ZMYND11: variants seen among roughly 807,000 people sequenced by gnomAD.
The protein encoded by ZMYND11 is zinc finger MYND-type containing 11.
A neutral mutation model predicts 84.9 loss-of-function variants in ZMYND11; 9 were observed. The ratio of observed to expected loss-of-function variants is 0.11; its 90% CI spans 0.06 to 0.18. The LOEUF is 0.18. Ranked by LOEUF, ZMYND11 falls within the 10% of genes least tolerant of loss-of-function variation. ZMYND11 has a pLI of 1.00. For synonymous variants in ZMYND11, 250 were observed against 244.1 expected (o/e 1.02, Z -0.23); for missense variants, 409 against 761.0 (o/e 0.54, Z 5.44).
At chr10:212,464 T>C (rs985558637) in intron 3 of ZMYND11, among the ~76,000 whole-genome samples, 4 of 151,688 alleles carry the variant, frequency 2.6e-5, no homozygotes, top group Admixed American at 2.0e-4. Context: ...GTATAAAATA[T>C]GTAAATATTT....
intron 2 of ZMYND11, chr10:198,006 GT>G: frequency 3.3e-6 from 2 of 606,988 alleles, no homozygotes; most frequent in Non-Finnish European, 5.9e-6. Flanking sequence ...TTATAAACTG[GT>G]AAGTAAGTTT....
chr10:158,675 C>T (rs1389091847), intron 1 of ZMYND11, among the ~76,000 whole-genome samples: 1 of 151,316 alleles, frequency 6.6e-6, no homozygotes, highest in African/African-American at 2.4e-5. Flanking sequence ...CCTTCTTCGG[C>T]CTCCTAAAGT....
At chr10:212,350 T>C (rs1321396340) in intron 3 of ZMYND11, among the ~76,000 whole-genome samples, 1 of 152,116 alleles carries the variant, frequency 6.6e-6, no homozygotes, top group Middle Eastern at 3.2e-3. Context: ...ACCAAACATA[T>C]AGTATACAGG....
chr10:186,007 CT>C lies in ZMYND11; in HGVS notation c.116+5894del, dbSNP rs1302174625. Among the ~76,000 whole-genome samples, 826 of 142,152 alleles carry C rather than the reference CT, an allele frequency of 5.8e-3. 4 individuals are homozygous for C. Among genetic ancestry groups the C allele is most frequent in the African/African-American group, 0.018 (671 of 38,322 alleles). The allele number at this position is 142,152 out of a possible 152,430, so 93.3% of individuals were successfully genotyped here. ...CAGTATCATCTTCAAACACAGGATT[CT>C]TTTTTTTTTTTTTTCTTTTGAGACG... On this transcript the variant is annotated intron_variant, in intron 2 of 14. Coordinates refer to ENST00000381604, the MANE Select transcript of ZMYND11 (RefSeq NM_001370100.5).
chr10:165,322 C>T (rs1298165991), intron 1 of ZMYND11, among the ~76,000 whole-genome samples: 1 of 152,098 alleles, frequency 6.6e-6, no homozygotes, highest in Non-Finnish European at 1.5e-5. Context: ...CCTAGATTTG[C>T]TCCTAGTTCT....
rs777109374 is a variant in ZMYND11 at position 248,947 on chromosome 10, A to G, written c.1545A>G (p.Lys515=). Residue 515 remains lysine (K), a synonymous_variant, in exon 14 of 15, where the codon AAA becomes AAG. Transcript: ENST00000381604. Reference sequence around the variant, plus strand: ...AAGAAAAGAGACAAGCTGTAAATAAAGCTGTAGCCAACATGCAGGGTGAGA... The same window carrying G: ...AAGAAAAGAGACAAGCTGTAAATAAGGCTGTAGCCAACATGCAGGGTGAGA... ...MEEEKRQAVN[K]AVANMQGEMD... The G allele has an allele frequency of 1.9e-6, 3 of 1,614,150 alleles. No individual in the cohort carries two copies. Among genetic ancestry groups the G allele is most frequent in the Middle Eastern group, 1.6e-4 (1 of 6,062 alleles).
At chr10:158,512 G>T (rs1554760224) in intron 1 of ZMYND11, among the ~76,000 whole-genome samples, 1 of 150,938 alleles carries the variant, frequency 6.6e-6, no homozygotes, top group African/African-American at 2.4e-5. Context: ...TTTGCTTCTG[G>T]GCTCAAGTGA....
chr10:136,208 G>A (rs970053552), intron 1 of ZMYND11, among the ~76,000 whole-genome samples: 4 of 152,172 alleles, frequency 2.6e-5, no homozygotes, highest in Admixed American at 2.6e-4. Context: ...CAGAGCTCCG[G>A]GGAGAAGCTG....
intron 1 of ZMYND11, among the ~76,000 whole-genome samples, chr10:145,255 T>C (rs1363027086): frequency 1.3e-5 from 2 of 151,328 alleles, no homozygotes; most frequent in Non-Finnish European, 2.9e-5. Context: ...TGTATATATA[T>C]ATATGTATAT....
chr10:214,730 C>T (rs937336743), intron 3 of ZMYND11, among the ~76,000 whole-genome samples: 10 of 152,136 alleles, frequency 6.6e-5, no homozygotes, highest in African/African-American at 2.2e-4. Flanking sequence ...TATGTTGCTT[C>T]ATCTGCTTGC....
chr10:237,524 A>G (rs1216188709), intron 5 of ZMYND11, 61 bp from the exon 6 acceptor site: 7 of 1,014,086 alleles, frequency 6.9e-6, no homozygotes, highest in Admixed American at 2.4e-5. Context: ...AGCTTTAGGA[A>G]TTGATGTCTT....
At position 253,891 on chromosome 10, in the gene ZMYND11, GTAAC is replaced by G. The variant is rs1484693671; in HGVS notation, c.*1425_*1428del. 2.0e-5 allele frequency: 3 copies of G among 152,616 alleles called. No homozygotes were observed. Among genetic ancestry groups the G allele is most frequent in the Admixed American group, 6.5e-5 (1 of 15,282 alleles). The allele number at this position is 152,616 out of a possible 1,614,324, so 9.5% of individuals were successfully genotyped here. A position where few individuals can be genotyped will look rare whatever the true frequency, so the allele number is the denominator to read the frequency against. ...TCAGGGTCACTCTAAAGATAAAAAT[GTAAC>G]TAAGTCTTCTGTGAAATATCATCCA... is the stretch of plus-strand genomic sequence containing the variant. On this transcript the variant is annotated 3_prime_UTR_variant, in exon 15 of 15. Transcript: ENST00000381604.
chr10:183,672 T>C (rs2130776417), intron 2 of ZMYND11, among the ~76,000 whole-genome samples: 1 of 152,344 alleles, frequency 6.6e-6, no homozygotes, highest in South Asian at 2.1e-4. Flanking sequence ...AAAAATAGGA[T>C]CCTTTAATGG....
chr10:171,157 C>A (rs1427412958), intron 1 of ZMYND11, among the ~76,000 whole-genome samples: 1 of 152,088 alleles, frequency 6.6e-6, no homozygotes, highest in African/African-American at 2.4e-5. Context: ...AACAACCAAG[C>A]ATCAGAATAT....
chr10:131,453 C>T (rs9419422), upstream of ZMYND11, among the ~76,000 whole-genome samples: 103,941 of 152,046 alleles, frequency 0.68, 35,685 homozygotes, highest in East Asian at 0.83. Context: ...CTCAGCTCCT[C>T]GGTTGCTGTG....
intron 4 of ZMYND11, among the ~76,000 whole-genome samples, chr10:230,095 T>C (rs1349643009): frequency 6.6e-6 from 1 of 152,178 alleles, no homozygotes; most frequent in Admixed American, 6.5e-5. Context: ...CCTAAAACGA[T>C]ATAAGTAATT....
intron 2 of ZMYND11, among the ~76,000 whole-genome samples, chr10:190,803 C>G (rs1940182850): frequency 6.6e-6 from 1 of 152,118 alleles, no homozygotes; most frequent in South Asian, 2.1e-4. Context: ...CATACCCATT[C>G]TTTTAGGATC....
intron 1 of ZMYND11, among the ~76,000 whole-genome samples, chr10:179,165 C>G (rs751080264): frequency 7.9e-5 from 12 of 152,118 alleles, no homozygotes; most frequent in Non-Finnish European, 2.9e-5. Flanking sequence ...TTACCAGATT[C>G]CTACAAGCAC....
chr10:168,127 A>T (rs553892789), intron 1 of ZMYND11, among the ~76,000 whole-genome samples: 12 of 152,272 alleles, frequency 7.9e-5, no homozygotes, highest in African/African-American at 2.6e-4. Context: ...GGGATGCTTT[A>T]AAAAACTGAC....
Sources: allele counts gnomAD v4.1 joint callset (sites outside exome capture counted in the v4.1 genomes callset), GRCh38; gene constraint gnomAD v4.1.1; transcripts MANE v1.5; gene names NCBI Gene and HGNC (gene_info 2026-07-23, HGNC 2026-07-21).